ITGA1: variants seen among roughly 807,000 people sequenced by gnomAD.
The protein encoded by ITGA1 is integrin subunit alpha 1.
ITGA1 carries 85 observed loss-of-function variants against 145.9 expected under a neutral mutation model. That is an observed-to-expected ratio of 0.58 (90% confidence interval 0.49 to 0.70). The LOEUF (loss-of-function observed/expected upper bound fraction) is 0.70. Ranked by LOEUF, ITGA1 falls within the 30% of genes least tolerant of loss-of-function variation. The pLI is 0.00. For missense variants in ITGA1, 1,351 were observed against 1,418.7 expected, an observed-to-expected ratio of 0.95 and a Z score of 0.77; for synonymous variants, 520 against 495.3, an observed-to-expected ratio of 1.05 and a Z score of -0.66.
At chr5:52,934,254 C>T (rs1371588282) in intron 23 of ITGA1, among the ~76,000 whole-genome samples, 2 of 150,812 alleles carry the variant, frequency 1.3e-5, no homozygotes, top group Non-Finnish European at 3.0e-5. Context: ...GAGATCTAAG[C>T]CTCTAATTTC....
At chr5:52,884,197 A>G (rs1750010083) in intron 7 of ITGA1, among the ~76,000 whole-genome samples, 1 of 152,096 alleles carries the variant, frequency 6.6e-6, no homozygotes, top group Admixed American at 6.5e-5. Flanking sequence ...TAATCCCAGC[A>G]CTTTGGGAGT....
At chr5:52,878,661 A>C (rs917886783) in intron 6 of ITGA1, among the ~76,000 whole-genome samples, 5 of 152,200 alleles carry the variant, frequency 3.3e-5, no homozygotes, top group African/African-American at 1.2e-4. Flanking sequence ...AAAACCAATA[A>C]ATGAGAACAA....
At chr5:52,928,366 G>C (rs1406629247) in intron 20 of ITGA1, among the ~76,000 whole-genome samples, 2 of 152,146 alleles carry the variant, frequency 1.3e-5, no homozygotes, top group Non-Finnish European at 2.9e-5. Flanking sequence ...GATTGGTTTA[G>C]AACTTAATCA....
chr5:52,832,453 A>T (rs1415151906), intron 1 of ITGA1, among the ~76,000 whole-genome samples: 1 of 152,192 alleles, frequency 6.6e-6, no homozygotes, highest in East Asian at 1.9e-4. Context: ...GCTTCTGATG[A>T]AATGGAAGGG....
chr5:52,834,316 C>T (rs1749121259), intron 1 of ITGA1, among the ~76,000 whole-genome samples: 1 of 152,046 alleles, frequency 6.6e-6, no homozygotes, highest in Non-Finnish European at 1.5e-5. Flanking sequence ...GCTAGAAGGC[C>T]AAAATCAAGT....
intron 13 of ITGA1, among the ~76,000 whole-genome samples, chr5:52,909,394 C>T (rs1033859697): frequency 1.3e-4 from 20 of 151,984 alleles, no homozygotes; most frequent in African/African-American, 4.3e-4. Context: ...GCAGTTAAAT[C>T]GGATAGGGTG....
At chr5:52,932,370 G>T in intron 22 of ITGA1, 1 of 382,270 alleles carries the variant, frequency 2.6e-6, no homozygotes, top group East Asian at 4.3e-5. Flanking sequence ...ATAACCCAAA[G>T]TGTTAGGTGT....
At chr5:52,923,813 C>T (rs1158509027) in intron 18 of ITGA1, among the ~76,000 whole-genome samples, 3 of 152,188 alleles carry the variant, frequency 2.0e-5, no homozygotes, top group African/African-American at 4.8e-5. Flanking sequence ...AGGGTGTCCT[C>T]ACGCTGAAGC....
intron 2 of ITGA1, among the ~76,000 whole-genome samples, chr5:52,855,983 T>C (rs1420492747): frequency 6.6e-6 from 1 of 152,138 alleles, no homozygotes; most frequent in Non-Finnish European, 1.5e-5. Context: ...AAGTTCTCAC[T>C]CCGCAATCTT....
intron 1 of ITGA1, among the ~76,000 whole-genome samples, chr5:52,831,764 C>T (rs1362067609): frequency 1.1e-4 from 1 of 9,022 alleles, no homozygotes; most frequent in Non-Finnish European, 2.0e-3. Flanking sequence ...TTTCCTTTCA[C>T]ATGGGACTTT....
chr5:52,829,619 T>G (rs543577505), intron 1 of ITGA1, among the ~76,000 whole-genome samples: 4 of 151,050 alleles, frequency 2.6e-5, no homozygotes, highest in East Asian at 3.9e-4. Flanking sequence ...CTGTTGTGGG[T>G]TTTTTTTTCA....
At chr5:52,949,900 A>G (rs1751192645) in intron 28 of ITGA1, among the ~76,000 whole-genome samples, 1 of 103,936 alleles carries the variant, frequency 9.6e-6, no homozygotes, top group South Asian at 3.0e-4. Context: ...CCTCAGGACT[A>G]TCCCTTCTTC....
Position 52,887,861 on chromosome 5 carries a change from A to G in ITGA1, c.820A>G (p.Lys274Glu), listed in dbSNP as rs199893274. 2.5e-6 allele frequency: 4 copies of G among 1,614,068 alleles called. No homozygotes were observed. The African/African-American group carries it at 5.3e-5, about 22-fold the overall frequency. Residue 274 changes from lysine to glutamate, a missense_variant, in exon 8 of 29, where the codon AAA (lysine) becomes GAA (glutamate). By Grantham distance (56) the Lys-to-Glu change is moderately conservative. Transcript: ENST00000282588. ...EARGARRGVKKVMVIVTDGES... is the reference protein window; with the variant it reads ...EARGARRGVKEVMVIVTDGES... ...CCGGGGTGCCCGAAGAGGAGTTAAA[A>G]AAGTCATGGTTATTGTGACAGATGG...
At chr5:52,862,189 G>A (rs1749616217) in intron 3 of ITGA1, among the ~76,000 whole-genome samples, 2 of 134,848 alleles carry the variant, frequency 1.5e-5, no homozygotes, top group African/African-American at 5.7e-5. Flanking sequence ...TTGCACTCCA[G>A]CCTGAGGAAC....
chr5:52,800,837 A>G (rs1748462305), intron 1 of ITGA1: 4 of 1,609,382 alleles, frequency 2.5e-6, no homozygotes, highest in Non-Finnish European at 3.4e-6. Flanking sequence ...GGCCTCGCCC[A>G]TATCTGCTTA....
At chr5:52,818,131 T>C (rs1168396994) in intron 1 of ITGA1, among the ~76,000 whole-genome samples, 1 of 152,202 alleles carries the variant, frequency 6.6e-6, no homozygotes, top group Non-Finnish European at 1.5e-5. Context: ...TTAAGATAAC[T>C]ATTCTAGAGG....
At chr5:52,951,934 G>A (rs1751227210) in intron 28 of ITGA1, among the ~76,000 whole-genome samples, 1 of 152,334 alleles carries the variant, frequency 6.6e-6, no homozygotes, top group South Asian at 2.1e-4. Flanking sequence ...GCTCACGCCT[G>A]TAATCCCAGC....
chr5:52,898,150 A>T, intron 10 of ITGA1, 89 bp from the exon 11 acceptor site: 2 of 781,630 alleles, frequency 2.6e-6, no homozygotes, highest in Non-Finnish European at 3.7e-6. Context: ...CACTTTGAAC[A>T]GTATACCTAT....
intron 15 of ITGA1, among the ~76,000 whole-genome samples, chr5:52,917,069 A>T (rs780995901): frequency 6.6e-6 from 1 of 152,210 alleles, no homozygotes; most frequent in Non-Finnish European, 1.5e-5. Context: ...CCTAACAAGA[A>T]GTGAGAGTGG....
Sources: allele counts gnomAD v4.1 joint callset (sites outside exome capture counted in the v4.1 genomes callset), GRCh38; gene constraint gnomAD v4.1.1; transcripts MANE v1.5; gene names NCBI Gene and HGNC (gene_info 2026-07-23, HGNC 2026-07-21).